Variants in ECHDC1 observed in about 807,000 individuals in gnomAD.
ECHDC1 encodes ethylmalonyl-CoA decarboxylase.
Under a neutral mutation model 29.7 loss-of-function variants are expected in ECHDC1, and 29 were observed. The observed-to-expected ratio is 0.98, with a 90% CI of 0.73 to 1.33. ECHDC1 has a LOEUF of 1.33. ECHDC1 is among the 40% of genes most tolerant of loss of function. The pLI, the probability that ECHDC1 is intolerant of heterozygous loss-of-function variation, is 0.00. For missense variants in ECHDC1, 328 were observed against 350.0 expected, an observed-to-expected ratio of 0.94 and a Z score of 0.50; for synonymous variants, 126 against 123.1, an observed-to-expected ratio of 1.02 and a Z score of -0.15.
chr6:127,290,268 A>G lies in ECHDC1; in HGVS notation c.507T>C (p.Thr169=). 20 of 1,612,250 alleles carry G rather than the reference A, an allele frequency of 1.2e-5. No homozygotes were observed. Among genetic ancestry groups the G allele is most frequent in the Non-Finnish European group, 1.7e-5 (20 of 1,179,066 alleles). The part of the protein sequence containing the change: ...FTTACDFRLM[T]PESKIRFVHK... ...GGACGAATCTGATCTTACTCTCTGG[A>G]GTCATTAACCTGTAAAAGAAAAAAG... Residue 169 remains threonine (T), a synonymous_variant, in exon 6 of 6, where the codon ACT becomes ACC. Coordinates refer to ENST00000454859, the MANE Select transcript of ECHDC1 (RefSeq NM_001002030.2).
At chr6:127,305,915 C>A (rs1781403213) in intron 5 of ECHDC1, among the ~76,000 whole-genome samples, 1 of 148,826 alleles carries the variant, frequency 6.7e-6, no homozygotes, top group South Asian at 2.1e-4. Context: ...ACCCAAAAAA[C>A]AAATAAAATG....
intron 5 of ECHDC1, among the ~76,000 whole-genome samples, chr6:127,297,103 A>G (rs1466951341): frequency 1.3e-5 from 2 of 152,230 alleles, no homozygotes; most frequent in Non-Finnish European, 2.9e-5. Context: ...CCAAAGCTTA[A>G]TAGTAGGCTC....
intron 3 of ECHDC1, among the ~76,000 whole-genome samples, chr6:127,318,362 T>C (rs566967541): frequency 6.6e-6 from 1 of 152,238 alleles, no homozygotes; most frequent in Non-Finnish European, 1.5e-5. Context: ...CAATTTTCTC[T>C]TTTGTGTTTC....
chr6:127,310,340 T>C (rs1295776562), intron 5 of ECHDC1, among the ~76,000 whole-genome samples: 1 of 152,088 alleles, frequency 6.6e-6, no homozygotes, highest in South Asian at 2.1e-4. Flanking sequence ...TAGCAAAACA[T>C]CTCATGTACC....
Position 127,320,316 on chromosome 6 carries a change from C to T in ECHDC1, c.364-3814G>A, listed in dbSNP as rs570795064. On this transcript the variant is annotated intron_variant, in intron 3 of 5. Transcript: ENST00000454859. ...ACAGGTGTGAGCTACCGTGCTTGGC[C>T]GCTTGTCTGTAAATTAATCAGGGTA... Among the ~76,000 whole-genome samples, 172 of 152,180 alleles carry T rather than the reference C, an allele frequency of 1.1e-3. 1 individual carries two copies. The highest frequency in any genetic ancestry group is 4.0e-3 in the African/African-American group (167 of 41,538).
intron 2 of ECHDC1, among the ~76,000 whole-genome samples, chr6:127,330,545 A>G (rs1479368299): frequency 6.6e-6 from 1 of 152,358 alleles, no homozygotes; most frequent in African/African-American, 2.4e-5. Flanking sequence ...GGTGGAAAAT[A>G]TAATCAAGAT....
intron 2 of ECHDC1, among the ~76,000 whole-genome samples, chr6:127,329,501 T>C (rs984402408): frequency 1.3e-5 from 2 of 152,156 alleles, no homozygotes; most frequent in Non-Finnish European, 2.9e-5. Flanking sequence ...ATTAAATTGG[T>C]TTTTATTCCC....
rs1781718681 is a variant in ECHDC1, at chr6:127,309,514, CACACACACACACACACACACA to C, written c.497+5281_497+5301del. Among the ~76,000 whole-genome samples, 3 of 59,432 alleles carry C rather than the reference CACACACACACACACACACACA, an allele frequency of 5.0e-5. No individual in the cohort carries two copies. In the South Asian group the frequency reaches 1.4e-3, roughly 28 times the overall value. 39.0% of individuals were successfully genotyped at this position (59,432 alleles called of 152,430 possible). A position where few individuals can be genotyped will look rare whatever the true frequency, so the allele number is the denominator to read the frequency against. ...ACACACACACACACACACACACACA[CACACACACACACACACACACA>C]CAGGAAAAAATAGATTAAAGACAAA... is the stretch of plus-strand genomic sequence containing the variant. On this transcript the variant is annotated intron_variant, in intron 5 of 5. Coordinates refer to ENST00000454859, the MANE Select transcript of ECHDC1 (RefSeq NM_001002030.2).
chr6:127,308,035 T>G (rs1781588369), intron 5 of ECHDC1, among the ~76,000 whole-genome samples: 1 of 152,112 alleles, frequency 6.6e-6, no homozygotes, highest in South Asian at 2.1e-4. Context: ...CAGGATGCAA[T>G]GGCTTCATTG....
chr6:127,305,421 A>G (rs1390625453), intron 5 of ECHDC1, among the ~76,000 whole-genome samples: 2 of 152,190 alleles, frequency 1.3e-5, no homozygotes, highest in Non-Finnish European at 2.9e-5. Context: ...AAGAAATATT[A>G]AAGGGAGCAC....
At chr6:127,292,855 TGAA>T (rs1013912814) in intron 5 of ECHDC1, among the ~76,000 whole-genome samples, 3 of 152,084 alleles carry the variant, frequency 2.0e-5, no homozygotes, top group African/African-American at 7.2e-5. Flanking sequence ...CTTATAATTT[TGAA>T]GACTAATGAC....
chr6:127,314,525 A>G (rs2114616176), intron 5 of ECHDC1, among the ~76,000 whole-genome samples: 1 of 152,162 alleles, frequency 6.6e-6, no homozygotes, highest in Non-Finnish European at 1.5e-5. Context: ...TTTAAGTTTC[A>G]TATATTTCCT....
chr6:127,336,414 C>G (rs1339814887), intron 1 of ECHDC1, among the ~76,000 whole-genome samples: 3 of 152,132 alleles, frequency 2.0e-5, no homozygotes, highest in Non-Finnish European at 4.4e-5. Context: ...TAACTTATCT[C>G]TTTCCCTTAT....
At chr6:127,316,330 C>T (rs1782373086) in intron 4 of ECHDC1, 120 bp downstream of exon 4, 1 of 794,398 alleles carries the variant, frequency 1.3e-6, no homozygotes, top group African/African-American at 1.7e-5. Context: ...AATAGTACAT[C>T]ATTAGAATAG....
At chr6:127,310,161 C>T (rs953858607) in intron 5 of ECHDC1, among the ~76,000 whole-genome samples, 1 of 152,044 alleles carries the variant, frequency 6.6e-6, no homozygotes, top group East Asian at 1.9e-4. Flanking sequence ...TGAATAAGGT[C>T]TATTGTACAG....
intron 3 of ECHDC1, chr6:127,317,987 CCTAA>C (rs1052864644): frequency 2.0e-5 from 3 of 152,112 alleles, no homozygotes; most frequent in Non-Finnish European, 4.4e-5. Context: ...AGCTTTGCTT[CCTAA>C]CTGATTTCTG....
chr6:127,303,067 A>G lies in ECHDC1; in HGVS notation c.497+11749T>C, dbSNP rs72961058. ...ATACCAAAAAAACTAGAAAATCTCT[A>G]TTTGTGTGAGCATGAAGTGACATAT... On this transcript the variant is annotated intron_variant, in intron 5 of 5. Coordinates refer to ENST00000454859, the MANE Select transcript of ECHDC1 (RefSeq NM_001002030.2). Among the ~76,000 whole-genome samples the G allele has an allele frequency of 7.4e-3, 1,134 of 152,262 alleles. 10 individuals carry two copies. Among genetic ancestry groups the G allele is most frequent in the South Asian group, 0.013 (61 of 4,832 alleles).
At chr6:127,314,931 T>C (rs535637553) in intron 4 of ECHDC1, 35 bp from the exon 5 acceptor site, 2 of 1,554,070 alleles carry the variant, frequency 1.3e-6, no homozygotes, top group African/African-American at 2.7e-5. Context: ...GTTACTATTT[T>C]TAATTTCAAT....
intron 4 of ECHDC1, chr6:127,316,011 G>A (rs1388472756): frequency 2.1e-6 from 1 of 470,674 alleles, no homozygotes; most frequent in South Asian, 1.5e-5. Flanking sequence ...TCAGAAAGCT[G>A]TAAAAACTTT....
Sources: gnomAD v4.1 joint callset for allele counts (sites outside exome capture counted in the v4.1 genomes callset) on GRCh38, gnomAD v4.1.1 for gene constraint, MANE v1.5 for transcripts, NCBI Gene and HGNC (gene_info 2026-07-23, HGNC 2026-07-21) for gene names.